The following BCHE variants were observed in gnomAD, a reference collection of about 807,000 sequenced individuals.
BCHE encodes the protein butyrylcholinesterase.
In BCHE, 48 loss-of-function variants were observed where a neutral mutation model predicts 51.3. The ratio of observed to expected loss-of-function variants is 0.94; its 90% CI spans 0.74 to 1.19. The LOEUF is 1.19. Ranked by LOEUF, BCHE falls within the 50% of genes most tolerant of loss-of-function variation. The pLI is 0.00. For synonymous variants in BCHE, 251 were observed against 238.0 expected, an observed-to-expected ratio of 1.05 and a Z score of -0.50; for missense variants, 847 against 708.2, an observed-to-expected ratio of 1.20 and a Z score of -2.23.
At chr3:165,773,580 C>T in intron 3 of BCHE, 74 bp from the exon 4 acceptor site, 2 of 1,372,218 alleles carry the variant, frequency 1.5e-6, no homozygotes, top group Non-Finnish European at 2.0e-6. Context: ...ATTTCGAATA[C>T]AAAAGCCATT....
intron 2 of BCHE, among the ~76,000 whole-genome samples, chr3:165,802,074 C>G (rs974002253): frequency 4.6e-5 from 7 of 152,178 alleles, no homozygotes; most frequent in Non-Finnish European, 8.8e-5. Context: ...CTTCCAGTGG[C>G]ACATTACACT....
chr3:165,831,479 G>A (rs1383785591), intron 1 of BCHE, among the ~76,000 whole-genome samples: 1 of 152,172 alleles, frequency 6.6e-6, no homozygotes, highest in African/African-American at 2.4e-5. Context: ...TGACTGGCTG[G>A]TTCTTGGCAG....
chr3:165,793,908 G>A (rs527794540), intron 2 of BCHE, among the ~76,000 whole-genome samples: 6 of 152,184 alleles, frequency 3.9e-5, no homozygotes, highest in Admixed American at 1.3e-4. Flanking sequence ...ATAGCGGGGC[G>A]TGGTGGTGTG....
intron 3 of BCHE, among the ~76,000 whole-genome samples, chr3:165,774,804 A>G (rs1712402824): frequency 6.6e-6 from 1 of 152,214 alleles, no homozygotes; most frequent in Admixed American, 6.5e-5. Context: ...GTAGGTAGGA[A>G]TAGCGTGAGG....
At chr3:165,778,696 G>C (rs1329413137) in intron 3 of BCHE, 1 of 453,668 alleles carries the variant, frequency 2.2e-6, no homozygotes, top group Admixed American at 2.4e-5. Flanking sequence ...TGCAGCTCTA[G>C]CTGCTAGTGC....
intron 2 of BCHE, among the ~76,000 whole-genome samples, chr3:165,818,199 A>G (rs1714378467): frequency 6.6e-6 from 1 of 152,026 alleles, no homozygotes. Context: ...ATACATAATT[A>G]CAAAATATGA....
intron 2 of BCHE, among the ~76,000 whole-genome samples, chr3:165,821,411 T>G (rs1356749543): frequency 1.3e-5 from 2 of 151,708 alleles, no homozygotes; most frequent in African/African-American, 4.8e-5. Flanking sequence ...TCTGTTGTCA[T>G]TTAAAAACAT....
At chr3:165,827,159 A>G (rs1180047480) in intron 2 of BCHE, among the ~76,000 whole-genome samples, 1 of 152,126 alleles carries the variant, frequency 6.6e-6, no homozygotes, top group Admixed American at 6.6e-5. Context: ...ATTAATTCGC[A>G]TGTATACTTT....
chr3:165,804,647 G>C (rs1713806046), intron 2 of BCHE, among the ~76,000 whole-genome samples: 1 of 152,128 alleles, frequency 6.6e-6, no homozygotes, highest in Non-Finnish European at 1.5e-5. Flanking sequence ...GTGTGAGTGT[G>C]TAAAAAGCAA....
At chr3:165,814,082 C>T (rs182749127) in intron 2 of BCHE, among the ~76,000 whole-genome samples, 18 of 151,880 alleles carry the variant, frequency 1.2e-4, no homozygotes, top group East Asian at 1.9e-4. Flanking sequence ...CCTCATATTA[C>T]GATATCTGAA....
At chr3:165,803,733 G>GTT (rs538813459) in intron 2 of BCHE, among the ~76,000 whole-genome samples, 22 of 151,552 alleles carry the variant, frequency 1.5e-4, no homozygotes, top group African/African-American at 5.3e-4. Flanking sequence ...ATATAATGAA[G>GTT]TTTTTTTTTA....
At chr3:165,774,148 AG>A (rs1197754156) in intron 3 of BCHE, among the ~76,000 whole-genome samples, 1 of 152,128 alleles carries the variant, frequency 6.6e-6, no homozygotes, top group African/African-American at 2.4e-5. Flanking sequence ...TAAGAAAAAA[AG>A]GTCTGTATAT....
chr3:165,787,461 A>C (rs146983640), intron 2 of BCHE, among the ~76,000 whole-genome samples: 259 of 151,988 alleles, frequency 1.7e-3, no homozygotes, highest in African/African-American at 6.1e-3. Context: ...AAGATAGCAT[A>C]AACCGAGTCT....
At chr3:165,791,497 T>C (rs1041542899) in intron 2 of BCHE, among the ~76,000 whole-genome samples, 2 of 152,090 alleles carry the variant, frequency 1.3e-5, no homozygotes, top group African/African-American at 4.8e-5. Context: ...TACATGTATT[T>C]TGTAGGTAGA....
intron 3 of BCHE, among the ~76,000 whole-genome samples, chr3:165,776,962 G>A (rs182675919): frequency 2.0e-5 from 3 of 151,300 alleles, no homozygotes; most frequent in South Asian, 2.1e-4. Context: ...TGTAAAATAC[G>A]GTAATATAGA....
rs764588882 is a variant in BCHE, at chr3:165,830,632, A to AT, written c.401dup (p.Asn134LysfsTer24). 29 of 1,614,016 alleles carry AT rather than the reference A, an allele frequency of 1.8e-5. No homozygotes were observed. In the East Asian group the frequency reaches 6.0e-4, roughly 33 times the overall value. Reference sequence around the variant, plus strand: ...CATAAATCCATATCAATACAGTGGCATTTTTTGGTTTAGGTGCTGGAATCC... The same window carrying AT: ...CATAAATCCATATCAATACAGTGGCATTTTTTTGGTTTAGGTGCTGGAATCC... On this transcript the variant is annotated frameshift_variant, in exon 2 of 4. Coordinates refer to ENST00000264381, the MANE Select transcript of BCHE (RefSeq NM_000055.4). LOFTEE classifies it high-confidence loss of function.
intron 3 of BCHE, among the ~76,000 whole-genome samples, chr3:165,781,582 G>A (rs919176620): frequency 2.7e-5 from 4 of 150,856 alleles, no homozygotes; most frequent in Non-Finnish European, 5.9e-5. Flanking sequence ...TACACACTGG[G>A]GCCAGTCGGG....
intron 2 of BCHE, among the ~76,000 whole-genome samples, chr3:165,808,157 G>C (rs187883439): frequency 6.6e-6 from 1 of 151,750 alleles, no homozygotes; most frequent in East Asian, 1.9e-4. Flanking sequence ...CTAATTTTTG[G>C]TATTTTTTTA....
intron 2 of BCHE, among the ~76,000 whole-genome samples, chr3:165,827,581 T>C (rs1229600646): frequency 6.6e-6 from 1 of 151,954 alleles, no homozygotes; most frequent in Admixed American, 6.6e-5. Context: ...AATGAGAAAA[T>C]ATAAATTCCT....
Sources: gnomAD v4.1 joint callset for allele counts (sites outside exome capture counted in the v4.1 genomes callset) on GRCh38, gnomAD v4.1.1 for gene constraint, MANE v1.5 for transcripts, NCBI Gene and HGNC (gene_info 2026-07-23, HGNC 2026-07-21) for gene names.